Variants in PSMA1 observed in about 807,000 individuals in gnomAD.
PSMA1 encodes the protein proteasome subunit alpha type-1.
A neutral mutation model predicts 38.4 loss-of-function variants in PSMA1; 3 were observed. That is an observed-to-expected ratio of 0.08 (90% CI 0.04 to 0.20). The LOEUF is 0.20. Ranked by LOEUF, PSMA1 falls within the 10% of genes least tolerant of loss-of-function variation. The probability of loss-of-function intolerance (pLI) is 1.00; values close to 1 mark genes in which losing one functional copy is unlikely to be tolerated. For missense variants in PSMA1, 227 were observed against 325.3 expected, an observed-to-expected ratio of 0.70 and a Z score of 2.32; for synonymous variants, 101 against 107.1, an observed-to-expected ratio of 0.94 and a Z score of 0.35.
upstream of PSMA1, among the ~76,000 whole-genome samples, chr11:14,522,477 A>G (rs1565035864): frequency 6.6e-6 from 1 of 152,208 alleles, no homozygotes; most frequent in Non-Finnish European, 1.5e-5. Context: ...TCCATTTAAT[A>G]TTCTACGCTG....
At chr11:14,557,076 C>T (rs1851947972) in intron 2 of PSMA1, among the ~76,000 whole-genome samples, 1 of 152,196 alleles carries the variant, frequency 6.6e-6, no homozygotes, top group African/African-American at 2.4e-5. Context: ...CTCAAGTGAT[C>T]CTCTTGCCTT....
At chr11:14,642,109 A>G (rs1262939271) in intron 1 of PSMA1, among the ~76,000 whole-genome samples, 1 of 151,266 alleles carries the variant, frequency 6.6e-6, no homozygotes, top group African/African-American at 2.5e-5. Context: ...ATACACGCAC[A>G]TGCACACACA....
chr11:14,520,428 G>A (rs1565035197), upstream of PSMA1: 1 of 1,607,204 alleles, frequency 6.2e-7, no homozygotes, highest in Middle Eastern at 1.7e-4. Flanking sequence ...GGGTAGCGCA[G>A]TCTATTCCAG....
intron 9 of PSMA1, among the ~76,000 whole-genome samples, chr11:14,506,266 A>G (rs1851243949): frequency 6.6e-6 from 1 of 152,222 alleles, no homozygotes; most frequent in Non-Finnish European, 1.5e-5. Flanking sequence ...TGCATTGCTC[A>G]GGAATAAAAG....
In PSMA1 at chr11:14,549,754, G is replaced by C. The variant is rs377349016; in HGVS notation, c.22-30713C>G. Reference sequence around the variant, plus strand: ...TGTCACCTCATACAACGTGGCAATAGTAGGCAGCTCTCCCTGTGCCTACTG... The same window carrying C: ...TGTCACCTCATACAACGTGGCAATACTAGGCAGCTCTCCCTGTGCCTACTG... On this transcript the variant is annotated intron_variant, in intron 2 of 10. Transcript: ENST00000418988. Among the ~76,000 whole-genome samples, 6 of 151,202 alleles carry C rather than the reference G, an allele frequency of 4.0e-5. No individual in the cohort carries two copies. In the East Asian group the frequency reaches 9.7e-4, roughly 25 times the overall value.
upstream of PSMA1, among the ~76,000 whole-genome samples, chr11:14,523,564 ACTCAGCTC>A (rs547176590): frequency 1.7e-3 from 241 of 144,982 alleles, no homozygotes; most frequent in African/African-American, 6.0e-3. Context: ...GAGCCACCAT[ACTCAGCTC>A]CTCAGCTCTC....
chr11:14,523,590 ATTT>A (rs35903786), upstream of PSMA1, among the ~76,000 whole-genome samples: 24 of 136,234 alleles, frequency 1.8e-4, no homozygotes, highest in Admixed American at 1.5e-4. Context: ...CTCAGGATAC[ATTT>A]TTTTTTTTTT....
At chr11:14,558,881 C>T (rs935271063) in intron 2 of PSMA1, among the ~76,000 whole-genome samples, 4 of 152,160 alleles carry the variant, frequency 2.6e-5, no homozygotes, top group Non-Finnish European at 5.9e-5. Flanking sequence ...CTTTACAAAA[C>T]TTGGAGGCGT....
chr11:14,532,772 ACC>A (rs2134160213), intron 2 of PSMA1, among the ~76,000 whole-genome samples: 1 of 148,194 alleles, frequency 6.7e-6, no homozygotes, highest in Admixed American at 6.8e-5. Flanking sequence ...ACATGGCGAA[ACC>A]CCAGCTTCTT....
chr11:14,562,628 A>ATTT (rs776522565), intron 2 of PSMA1, among the ~76,000 whole-genome samples: 2 of 144,140 alleles, frequency 1.4e-5, no homozygotes, highest in African/African-American at 5.1e-5. Context: ...ATTCATGAGC[A>ATTT]TTTTTTTTTT....
intron 2 of PSMA1, among the ~76,000 whole-genome samples, chr11:14,546,531 G>T (rs766304418): frequency 6.6e-6 from 1 of 151,900 alleles, no homozygotes; most frequent in African/African-American, 2.4e-5. Flanking sequence ...TCTGCCTCTC[G>T]GGTTCAAGCA....
At chr11:14,614,979 G>A (rs1364869029) in intron 1 of PSMA1, among the ~76,000 whole-genome samples, 1 of 152,096 alleles carries the variant, frequency 6.6e-6, no homozygotes, top group Non-Finnish European at 1.5e-5. Flanking sequence ...TTTTAGCATG[G>A]CACTTAAGAG....
chr11:14,564,929 C>A (rs1405830877), intron 2 of PSMA1, among the ~76,000 whole-genome samples: 3 of 152,050 alleles, frequency 2.0e-5, no homozygotes, highest in Non-Finnish European at 4.4e-5. Flanking sequence ...AGGTACACAT[C>A]ACCACGCTTG....
intron 2 of PSMA1, among the ~76,000 whole-genome samples, chr11:14,569,495 C>T (rs182149870): frequency 2.1e-4 from 32 of 152,254 alleles, no homozygotes; most frequent in South Asian, 1.9e-3. Context: ...CCTGGAAAAT[C>T]GGGGCACTCC....
In PSMA1 at chr11:14,551,592, T is replaced by C. The variant is rs180978376; in HGVS notation, c.22-32551A>G. Among the ~76,000 whole-genome samples, 175 of 152,286 alleles carry C rather than the reference T, an allele frequency of 1.1e-3. 1 individual carries two copies. The highest frequency in any genetic ancestry group is 2.2e-4 in the Non-Finnish European group (15 of 68,016). ...GACAAGGACATTTTCAAAGTAAACATGGATTTGGGAGATCATAGCCAATGA... is the reference window on the plus strand; with the variant it reads ...GACAAGGACATTTTCAAAGTAAACACGGATTTGGGAGATCATAGCCAATGA... On this transcript the variant is annotated intron_variant, in intron 2 of 10. Transcript: ENST00000418988.
intron 8 of PSMA1, among the ~76,000 whole-genome samples, chr11:14,509,892 T>A (rs1330891391): frequency 6.6e-6 from 1 of 151,822 alleles, no homozygotes; most frequent in Admixed American, 6.6e-5. Context: ...CCCGGCTAAT[T>A]TTTTGTATTT....
intron 1 of PSMA1, among the ~76,000 whole-genome samples, chr11:14,633,698 T>C (rs1247814565): frequency 6.6e-6 from 1 of 152,164 alleles, no homozygotes; most frequent in Non-Finnish European, 1.5e-5. Flanking sequence ...TTTGTTTACC[T>C]AATCAAGCCT....
At chr11:14,633,428 G>C (rs1211153028) in intron 1 of PSMA1, among the ~76,000 whole-genome samples, 3 of 151,872 alleles carry the variant, frequency 2.0e-5, no homozygotes, top group Admixed American at 2.0e-4. Flanking sequence ...CTGCTGGGGG[G>C]TGCCTCCCAG....
chr11:14,621,219 T>C (rs1852839978), intron 1 of PSMA1, among the ~76,000 whole-genome samples: 1 of 152,220 alleles, frequency 6.6e-6, no homozygotes. Flanking sequence ...TTTGCTTTAT[T>C]AGTAAAAAGC....
Sources: gnomAD v4.1 joint callset for allele counts (sites outside exome capture counted in the v4.1 genomes callset) on GRCh38, gnomAD v4.1.1 for gene constraint, MANE v1.5 for transcripts, NCBI Gene and HGNC (gene_info 2026-07-23, HGNC 2026-07-21) for gene names.